ZBTB20: variants seen among roughly 807,000 people sequenced by gnomAD.
ZBTB20 encodes the protein zinc finger and BTB domain containing 20.
In ZBTB20, 9 loss-of-function variants were observed where a neutral mutation model predicts 56.9. The ratio of observed to expected loss-of-function variants is 0.16; its 90% confidence interval spans 0.10 to 0.28. ZBTB20 has a LOEUF of 0.28. ZBTB20 is among the 10% of genes least tolerant of loss of function. The pLI, the probability that ZBTB20 is intolerant of heterozygous loss-of-function variation, is 1.00. For synonymous variants in ZBTB20, 417 were observed against 420.7 expected (o/e 0.99, Z 0.11); for missense variants, 655 against 1,003.0 (o/e 0.65, Z 4.69).
At chr3:114,749,708 G>A (rs1395013912) in intron 5 of ZBTB20, among the ~76,000 whole-genome samples, 1 of 152,174 alleles carries the variant, frequency 6.6e-6, no homozygotes, top group Non-Finnish European at 1.5e-5. Context: ...GCACAAGCAT[G>A]TGGAAATGGA....
At chr3:114,586,192 T>C (rs537156179) in intron 6 of ZBTB20, among the ~76,000 whole-genome samples, 1 of 152,348 alleles carries the variant, frequency 6.6e-6, no homozygotes, top group Non-Finnish European at 1.5e-5. Context: ...TAAGCAATTA[T>C]TTGTTCCTGT....
intron 5 of ZBTB20, among the ~76,000 whole-genome samples, chr3:114,775,908 C>A (rs2069568831): frequency 6.6e-6 from 1 of 152,096 alleles, no homozygotes; most frequent in Admixed American, 6.6e-5. Context: ...TTATGTGAAC[C>A]AGGCCAAAGA....
chr3:114,572,354 C>G (rs2053533852), intron 6 of ZBTB20, among the ~76,000 whole-genome samples: 1 of 152,176 alleles, frequency 6.6e-6, no homozygotes, highest in Non-Finnish European at 1.5e-5. Context: ...ACCCAAGGAA[C>G]TTTTCCTTAG....
At chr3:114,498,543 GGACTGTCATAA>G (rs1364849720) in intron 7 of ZBTB20, among the ~76,000 whole-genome samples, 1 of 152,124 alleles carries the variant, frequency 6.6e-6, no homozygotes, top group Non-Finnish European at 1.5e-5. Context: ...GAGGACAGTA[GGACTGTCATAA>G]GCCCGGTCAC....
At chr3:114,446,725 T>A (rs745879851) in intron 7 of ZBTB20, among the ~76,000 whole-genome samples, 4 of 152,152 alleles carry the variant, frequency 2.6e-5, no homozygotes, top group Non-Finnish European at 5.9e-5. Context: ...TGTTTCAGTG[T>A]TTGGCCTACG....
At chr3:115,036,368 C>T (rs981667618) in intron 2 of ZBTB20, among the ~76,000 whole-genome samples, 13 of 151,774 alleles carry the variant, frequency 8.6e-5, no homozygotes, top group South Asian at 4.2e-4. Flanking sequence ...GTCGCGATCT[C>T]GGCTCACTGT....
At chr3:114,924,611 T>G (rs1490407897) in intron 3 of ZBTB20, among the ~76,000 whole-genome samples, 2 of 152,186 alleles carry the variant, frequency 1.3e-5, no homozygotes, top group Admixed American at 6.5e-5. Flanking sequence ...AGTTATAAGT[T>G]GAACAAGTTC....
intron 11 of ZBTB20, among the ~76,000 whole-genome samples, chr3:114,346,388 A>G (rs1219437500): frequency 6.6e-6 from 1 of 152,208 alleles, no homozygotes; most frequent in African/African-American, 2.4e-5. Flanking sequence ...AAGCTCTCAC[A>G]TGCATCATAC....
At chr3:114,550,364 T>A (rs1178141249) in intron 6 of ZBTB20, among the ~76,000 whole-genome samples, 1 of 152,218 alleles carries the variant, frequency 6.6e-6, no homozygotes, top group East Asian at 1.9e-4. Context: ...TTTTCCATAG[T>A]TTGGTTGATG....
At position 114,625,664 on chromosome 3, in the gene ZBTB20, T is replaced by C. The variant is rs16823021; in HGVS notation, c.-295+67864A>G. Among the ~76,000 whole-genome samples the C allele has an allele frequency of 8.1e-3, 1,229 of 151,998 alleles. 66 individuals carry two copies. Among genetic ancestry groups the C allele is most frequent in the Admixed American group, 0.074 (1,124 of 15,262 alleles). ...AGAGTTACCAGTTAATGATAAAACA[T>C]AGGGGAACTATGACACTGTGACCAT... On this transcript the variant is annotated intron_variant, in intron 6 of 11. Coordinates refer to ENST00000675478, the MANE Select transcript of ZBTB20 (RefSeq NM_001348800.3).
intron 4 of ZBTB20, among the ~76,000 whole-genome samples, chr3:114,830,102 G>A (rs2073765182): frequency 6.6e-6 from 1 of 151,838 alleles, no homozygotes; most frequent in South Asian, 2.1e-4. Context: ...TGTTTCATCC[G>A]TTCCCTAACC....
chr3:115,046,132 G>A (rs1400467234), intron 2 of ZBTB20, among the ~76,000 whole-genome samples: 1 of 152,124 alleles, frequency 6.6e-6, no homozygotes, highest in Non-Finnish European at 1.5e-5. Flanking sequence ...GGCTCTGTCA[G>A]GTAGTTCTAG....
intron 5 of ZBTB20, among the ~76,000 whole-genome samples, chr3:114,799,833 G>A (rs116125864): frequency 2.0e-5 from 3 of 151,832 alleles, no homozygotes; most frequent in African/African-American, 7.3e-5. Context: ...TGCTCTGTCC[G>A]TGCATCATCG....
intron 6 of ZBTB20, among the ~76,000 whole-genome samples, chr3:114,606,077 T>C (rs1302962922): frequency 1.3e-5 from 2 of 152,184 alleles, no homozygotes; most frequent in Non-Finnish European, 2.9e-5. Context: ...TTATTGCACA[T>C]ATATGCCTAT....
intron 3 of ZBTB20, among the ~76,000 whole-genome samples, chr3:114,916,797 T>G (rs1157022040): frequency 1.3e-5 from 2 of 152,188 alleles, no homozygotes; most frequent in Admixed American, 6.5e-5. Flanking sequence ...TCTTTTCTCT[T>G]TCTACTTTTA....
chr3:115,016,342 C>T (rs550002990), intron 2 of ZBTB20, among the ~76,000 whole-genome samples: 2 of 151,892 alleles, frequency 1.3e-5, no homozygotes, highest in Admixed American at 6.6e-5. Flanking sequence ...TGTCATTTTG[C>T]TTTTGTTGCA....
chr3:115,035,176 G>A (rs1031729421), intron 2 of ZBTB20, among the ~76,000 whole-genome samples: 2 of 152,028 alleles, frequency 1.3e-5, no homozygotes, highest in Non-Finnish European at 1.5e-5. Flanking sequence ...ATTTGAGTAT[G>A]ACAACAGGCC....
chr3:114,961,988 T>A (rs905600890), intron 3 of ZBTB20, among the ~76,000 whole-genome samples: 18 of 152,030 alleles, frequency 1.2e-4, no homozygotes. Flanking sequence ...ACGGGAAAAA[T>A]GAAGGATAGA....
At chr3:115,144,696 G>A (rs2084913999) in intron 1 of ZBTB20, 1 of 152,048 alleles carries the variant, frequency 6.6e-6, no homozygotes, top group Non-Finnish European at 1.5e-5. Context: ...TGGTTTTGTA[G>A]TAATCTTAAA....
Sources: allele counts gnomAD v4.1 joint callset (sites outside exome capture counted in the v4.1 genomes callset), GRCh38; gene constraint gnomAD v4.1.1; transcripts MANE v1.5; gene names NCBI Gene and HGNC (gene_info 2026-07-23, HGNC 2026-07-21).